GPR158: variants seen among roughly 807,000 people sequenced by gnomAD.
The protein encoded by GPR158 is metabotropic glycine receptor.
In GPR158, 30 loss-of-function variants were observed where a neutral mutation model predicts 78.2. That is an observed-to-expected ratio of 0.38 (90% CI 0.29 to 0.52). The LOEUF (loss-of-function observed/expected upper bound fraction) is 0.52. GPR158 is among the 20% of genes least tolerant of loss of function. The pLI is 0.83. For missense variants in GPR158, 1,463 were observed against 1,523.5 expected, an observed-to-expected ratio of 0.96 and a Z score of 0.66; for synonymous variants, 581 against 591.1, an observed-to-expected ratio of 0.98 and a Z score of 0.25.
chr10:25,505,756 A>G (rs1836004857), intron 5 of GPR158, among the ~76,000 whole-genome samples: 1 of 151,634 alleles, frequency 6.6e-6, no homozygotes, highest in Non-Finnish European at 1.5e-5. Context: ...AAACTACCCC[A>G]CGCCTTCATG....
At chr10:25,384,061 CTA>C (rs1834190041) in intron 2 of GPR158, among the ~76,000 whole-genome samples, 2 of 152,230 alleles carry the variant, frequency 1.3e-5, no homozygotes, top group South Asian at 4.2e-4. Flanking sequence ...TAAATATTAA[CTA>C]TTTATTATCT....
intron 2 of GPR158, among the ~76,000 whole-genome samples, chr10:25,313,606 T>A (rs996482183): frequency 6.6e-6 from 1 of 152,198 alleles, no homozygotes; most frequent in Admixed American, 6.5e-5. Flanking sequence ...TGATGTCATT[T>A]TTCTCCTTAG....
intron 2 of GPR158, among the ~76,000 whole-genome samples, chr10:25,273,944 C>G (rs896157912): frequency 6.6e-6 from 1 of 152,120 alleles, no homozygotes; most frequent in Non-Finnish European, 1.5e-5. Context: ...TCCCAAAGTA[C>G]TAGGATTACA....
At chr10:25,592,550 T>C (rs1837355348) in intron 8 of GPR158, among the ~76,000 whole-genome samples, 1 of 152,038 alleles carries the variant, frequency 6.6e-6, no homozygotes, top group South Asian at 2.1e-4. Flanking sequence ...AAAATATTTC[T>C]AGTCAGAATT....
chr10:25,470,241 A>G (rs531894768), intron 5 of GPR158, among the ~76,000 whole-genome samples: 278 of 152,100 alleles, frequency 1.8e-3, no homozygotes, highest in Non-Finnish European at 3.3e-3. Context: ...CTGACCATGT[A>G]CTCCAAAATG....
chr10:25,204,106 A>C (rs542705393), intron 1 of GPR158, among the ~76,000 whole-genome samples: 47 of 152,290 alleles, frequency 3.1e-4, no homozygotes, highest in African/African-American at 1.0e-3. Context: ...TTGATTTTGT[A>C]TCCTGAGACT....
intron 1 of GPR158, among the ~76,000 whole-genome samples, chr10:25,212,627 C>CTTTTTTTTTTTTTTTTTTTTTTTTT (rs10642944): frequency 2.5e-5 from 2 of 78,578 alleles, no homozygotes; most frequent in African/African-American, 5.3e-5. Flanking sequence ...GAATTTATAG[C>CTTTTTTTTTTTTTTTTTTTTTTTTT]TTTTTTTTTT....
intron 2 of GPR158, among the ~76,000 whole-genome samples, chr10:25,314,872 TA>T (rs1588793873): frequency 1.6e-5 from 2 of 123,168 alleles, no homozygotes; most frequent in Admixed American, 8.0e-5. Flanking sequence ...CATATATATA[TA>T]TATATATATA....
intron 6 of GPR158, 52 bp from the exon 7 acceptor site, chr10:25,572,596 TA>T: frequency 9.0e-7 from 1 of 1,114,786 alleles, no homozygotes; most frequent in South Asian, 1.2e-5. Flanking sequence ...ATTTTAGAGT[TA>T]TACTTTCTGA....
intron 4 of GPR158, among the ~76,000 whole-genome samples, chr10:25,431,389 G>C (rs1834902984): frequency 6.8e-6 from 1 of 147,838 alleles, no homozygotes; most frequent in African/African-American, 2.5e-5. Context: ...GGAGAAATAG[G>C]AACACTTTTA....
At position 25,176,575 on chromosome 10, in the gene GPR158, G is replaced by A. The variant is rs576044102; in HGVS notation, c.902+253G>A. ...TCGGACCAGTTTCCCCGCACTGGGC[G>A]AGGGACAGGCAGCCCTTGGCAGGAC... is the stretch of plus-strand genomic sequence containing the variant. On this transcript the variant is annotated intron_variant, in intron 1 of 10. Transcript: ENST00000376351. This position sits in a 1 kb window ranked among gnomAD's most constrained non-coding sequence, Gnocchi z 6.3. Among the ~76,000 whole-genome samples, 1 of 152,346 alleles carries A rather than the reference G, an allele frequency of 6.6e-6. No homozygotes were observed. Among genetic ancestry groups the A allele is most frequent in the South Asian group, 2.1e-4 (1 of 4,826 alleles).
At chr10:25,596,622 C>T (rs2130754557) in intron 9 of GPR158, 21 bp from the exon 10 acceptor site, 1 of 1,599,710 alleles carries the variant, frequency 6.3e-7, no homozygotes, top group East Asian at 2.2e-5. Context: ...ATGTCTACTG[C>T]TCATACTGAA....
intron 2 of GPR158, among the ~76,000 whole-genome samples, chr10:25,278,975 A>G (rs73608253): frequency 0.047 from 7,157 of 152,116 alleles, 577 homozygotes; most frequent in African/African-American, 0.16. Context: ...AGAAAATAGT[A>G]TGTATGTGTG....
chr10:25,233,364 T>C (rs781391353), intron 2 of GPR158, among the ~76,000 whole-genome samples: 3 of 151,862 alleles, frequency 2.0e-5, no homozygotes, highest in Non-Finnish European at 4.4e-5. Context: ...CTTTGTTTTA[T>C]GCATGCAAAA....
At chr10:25,421,048 G>A (rs953301459) in intron 4 of GPR158, among the ~76,000 whole-genome samples, 12 of 151,982 alleles carry the variant, frequency 7.9e-5, no homozygotes, top group Admixed American at 6.5e-5. Flanking sequence ...GATTGCTTTG[G>A]GTAGTATTGA....
At chr10:25,449,851 A>G (rs1184863743) in intron 4 of GPR158, among the ~76,000 whole-genome samples, 1 of 152,158 alleles carries the variant, frequency 6.6e-6, no homozygotes, top group African/African-American at 2.4e-5. Flanking sequence ...TCCAATTAAA[A>G]TTTTTAAAAA....
intron 2 of GPR158, among the ~76,000 whole-genome samples, chr10:25,329,732 A>G (rs1251956940): frequency 6.6e-6 from 1 of 151,964 alleles, no homozygotes; most frequent in Non-Finnish European, 1.5e-5. Context: ...GTAATTAGAC[A>G]TCTAGCAGAT....
At chr10:25,509,756 A>G (rs6482489) in intron 5 of GPR158, among the ~76,000 whole-genome samples, 99,141 of 152,156 alleles carry the variant, frequency 0.65, 34,395 homozygotes, top group African/African-American at 0.91. Flanking sequence ...TCGCTCTGTC[A>G]CCCAGGCTGG....
intron 7 of GPR158, among the ~76,000 whole-genome samples, chr10:25,586,517 C>T (rs879503871): frequency 6.6e-6 from 1 of 151,500 alleles, no homozygotes; most frequent in African/African-American, 2.4e-5. Context: ...ATTCGCCTGC[C>T]TCAGCCTCCT....
Sources: allele counts gnomAD v4.1 joint callset (sites outside exome capture counted in the v4.1 genomes callset), GRCh38; gene constraint gnomAD v4.1.1; non-coding constraint Gnocchi (gnomAD v3.1); transcripts MANE v1.5; gene names NCBI Gene and HGNC (gene_info 2026-07-23, HGNC 2026-07-21).